Variants in BFSP1 observed in about 807,000 individuals in gnomAD.
BFSP1 encodes the protein filensin.
Under a neutral mutation model 43.9 loss-of-function variants are expected in BFSP1, and 38 were observed. The observed-to-expected ratio is 0.87, with a 90% CI of 0.67 to 1.14. The LOEUF is 1.14. Ranked by LOEUF, BFSP1 falls within the 50% of genes most tolerant of loss-of-function variation. The pLI is 0.00. For missense variants in BFSP1, 850 were observed against 875.1 expected (o/e 0.97, Z 0.36); for synonymous variants, 352 against 354.8 (o/e 0.99, Z 0.09).
rs746967380 is a variant in BFSP1 at position 17,494,268 on chromosome 20, C to G, written c.1804G>C (p.Gly602Arg). ...TCTGGCAGGCTTCTGCTCCTAGTCCCAAGCACCTCAGCTCCATCCTGATCA... is the reference window on the plus strand; with the variant it reads ...TCTGGCAGGCTTCTGCTCCTAGTCCGAAGCACCTCAGCTCCATCCTGATCA... ...AADQDGAEVLGTRSRSLPEKG... is the reference protein window; with the variant it reads ...AADQDGAEVLRTRSRSLPEKG... Residue 602 changes from glycine (G) to arginine (R), a missense_variant, in exon 8 of 8, where the codon GGG (glycine) becomes CGG (arginine). By Grantham distance (125) the Gly-to-Arg change is moderately radical (BLOSUM62 -2). Transcript: ENST00000377873. 16 of 1,614,104 alleles carry G rather than the reference C, an allele frequency of 9.9e-6. No homozygotes were observed. In the East Asian group the frequency reaches 3.6e-4, roughly 36 times the overall value.
intron 1 of BFSP1, among the ~76,000 whole-genome samples, chr20:17,558,135 T>C (rs926191891): frequency 1.4e-5 from 2 of 140,436 alleles, no homozygotes; most frequent in Non-Finnish European, 3.0e-5. Context: ...GGGGTTTTAC[T>C]CAGCAAGAAA....
At chr20:17,537,136 A>G (rs2034640489) in intron 1 of BFSP1, among the ~76,000 whole-genome samples, 1 of 152,214 alleles carries the variant, frequency 6.6e-6, no homozygotes, top group Admixed American at 6.5e-5. Flanking sequence ...GCCACCCTAT[A>G]CTAAAATTGA....
chr20:17,502,607 C>T (rs73900874), intron 5 of BFSP1, among the ~76,000 whole-genome samples: 5,545 of 152,174 alleles, frequency 0.036, 340 homozygotes, highest in African/African-American at 0.13. Flanking sequence ...ATCATCGGCC[C>T]GTGGTTTTGT....
intron 1 of BFSP1, among the ~76,000 whole-genome samples, chr20:17,564,264 G>C (rs1211143928): frequency 6.6e-6 from 1 of 151,816 alleles, no homozygotes; most frequent in Non-Finnish European, 1.5e-5. Context: ...CTACTCAAGA[G>C]GCTGAGATTG....
chr20:17,539,686 A>G (rs984056168), intron 1 of BFSP1, among the ~76,000 whole-genome samples: 1 of 152,006 alleles, frequency 6.6e-6, no homozygotes, highest in Non-Finnish European at 1.5e-5. Flanking sequence ...GGATAGACTG[A>G]GCCTGGCAGG....
At chr20:17,526,672 G>A (rs901203201) in intron 1 of BFSP1, among the ~76,000 whole-genome samples, 4 of 151,972 alleles carry the variant, frequency 2.6e-5, no homozygotes, top group Non-Finnish European at 5.9e-5. Flanking sequence ...AATTCTTTTG[G>A]GTATATGCAC....
chr20:17,540,210 G>A (rs763454976), intron 1 of BFSP1, among the ~76,000 whole-genome samples: 2 of 146,138 alleles, frequency 1.4e-5, no homozygotes, highest in Non-Finnish European at 3.1e-5. Context: ...TACAAGTGAT[G>A]TGAATATTTC....
At chr20:17,567,780 G>GAA (rs1321435250) in intron 1 of BFSP1, among the ~76,000 whole-genome samples, 2 of 151,508 alleles carry the variant, frequency 1.3e-5, no homozygotes, top group East Asian at 3.9e-4. Context: ...AGAATCGCTT[G>GAA]AACCCGAGAG....
intron 5 of BFSP1, among the ~76,000 whole-genome samples, chr20:17,501,606 A>G (rs2123463715): frequency 6.6e-6 from 1 of 152,138 alleles, no homozygotes; most frequent in African/African-American, 2.4e-5. Context: ...TCAAAAAAAA[A>G]AAAAAAAGCA....
intron 1 of BFSP1, among the ~76,000 whole-genome samples, chr20:17,542,546 C>T (rs1568711952): frequency 6.6e-6 from 1 of 151,966 alleles, no homozygotes; most frequent in Non-Finnish European, 1.5e-5. Context: ...CTGCAGTAAG[C>T]TATGATCGCA....
At chr20:17,516,366 C>T (rs1413538307) in intron 2 of BFSP1, among the ~76,000 whole-genome samples, 1 of 152,108 alleles carries the variant, frequency 6.6e-6, no homozygotes, top group East Asian at 1.9e-4. Flanking sequence ...AAATAAAAGG[C>T]ACTTGGTTCC....
rs372210205 is a variant in BFSP1, at chr20:17,508,939, G to A, written c.685C>T (p.Arg229Trp). 139 of 1,605,012 alleles carry A rather than the reference G, an allele frequency of 8.7e-5. No homozygotes were observed. The highest frequency in any genetic ancestry group is 1.7e-4 in the Middle Eastern group (1 of 6,058). The change falls in exon 5 of 8, where the codon CGG becomes TGG. Residue 229 changes from arginine to tryptophan, a missense_variant. Arg to Trp is a moderately radical substitution (Grantham distance 101, BLOSUM62 -3). Transcript: ENST00000377873. ...GCCTGCAGGTGGGAGAGCACCTCCC[G>A]GCCCTCCTCCAGCTGACTCCGCAGG... is the stretch of plus-strand genomic sequence containing the variant. The part of the protein sequence containing the change: ...AALRSQLEEG[R>W]EVLSHLQAQR...
chr20:17,508,007 G>C (rs1390320626), intron 5 of BFSP1, among the ~76,000 whole-genome samples: 1 of 152,156 alleles, frequency 6.6e-6, no homozygotes, highest in Non-Finnish European at 1.5e-5. Flanking sequence ...TCTAGTTGTG[G>C]CTTCACATTT....
Position 17,542,427 on chromosome 20 carries a change from CAAAA to C in BFSP1, c.2+16257_2+16260del, listed in dbSNP as rs3076281. Among the ~76,000 whole-genome samples the C allele has an allele frequency of 3.1e-3, 358 of 114,826 alleles. 2 individuals carry two copies. Among genetic ancestry groups the C allele is most frequent in the Admixed American group, 0.016 (175 of 10,908 alleles). 75.3% of individuals were successfully genotyped at this position (114,826 alleles called of 152,430 possible). A position where few individuals can be genotyped will look rare whatever the true frequency, so the allele number is the denominator to read the frequency against. On this transcript the variant is annotated intron_variant, in intron 1 of 7. Coordinates refer to the BFSP1 transcript ENST00000377868. Reference sequence around the variant, plus strand: ...CAACATACAGAGACCTCATCTCTACCAAAAAAAAAAAAAAAAAAAAAATTCACCA... The same window carrying C: ...CAACATACAGAGACCTCATCTCTACCAAAAAAAAAAAAAAAAAATTCACCA...
chr20:17,505,258 A>G (rs1248093504), intron 5 of BFSP1, among the ~76,000 whole-genome samples: 1 of 152,152 alleles, frequency 6.6e-6, no homozygotes, highest in Non-Finnish European at 1.5e-5. Context: ...TCGTCCGCCC[A>G]GCGTCTCCCA....
At chr20:17,527,798 T>G (rs977973394) in intron 1 of BFSP1, among the ~76,000 whole-genome samples, 3 of 152,338 alleles carry the variant, frequency 2.0e-5, no homozygotes, top group Non-Finnish European at 4.4e-5. Flanking sequence ...ATGATGTGTA[T>G]ATTCATATAA....
chr20:17,552,273 C>T (rs548751458), intron 1 of BFSP1, among the ~76,000 whole-genome samples: 5 of 152,078 alleles, frequency 3.3e-5, no homozygotes, highest in East Asian at 1.9e-4. Flanking sequence ...GAAGAAAGAG[C>T]GTTCTAAACA....
At chr20:17,506,389 A>G (rs1414707804) in intron 5 of BFSP1, among the ~76,000 whole-genome samples, 3 of 152,236 alleles carry the variant, frequency 2.0e-5, no homozygotes, top group Non-Finnish European at 2.9e-5. Context: ...TCATCAAGGC[A>G]GCAACAGAAA....
rs538171508 is a variant in BFSP1 at position 17,520,589 on chromosome 20, T to A, written c.438+4259A>T. On this transcript the variant is annotated intron_variant, in intron 2 of 7. Coordinates refer to ENST00000377873, the MANE Select transcript of BFSP1 (RefSeq NM_001195.5). ...GTTCTTCCAGGTGCTAATGTTGGCC[T>A]GGAGGGCACTGGACAAATTCTACAT... Among the ~76,000 whole-genome samples the A allele has an allele frequency of 3.4e-3, 513 of 152,360 alleles. 3 individuals carry two copies. Among genetic ancestry groups the A allele is most frequent in the Non-Finnish European group, 4.5e-3 (308 of 68,038 alleles).
Sources: allele counts gnomAD v4.1 joint callset (sites outside exome capture counted in the v4.1 genomes callset), GRCh38; gene constraint gnomAD v4.1.1; transcripts MANE v1.5; gene names NCBI Gene and HGNC (gene_info 2026-07-23, HGNC 2026-07-21).